The following IFI35 variants were observed in gnomAD, a reference collection of about 807,000 sequenced individuals.
IFI35 encodes the protein interferon-induced 35 kDa protein.
A neutral mutation model predicts 28.6 loss-of-function variants in IFI35; 30 were observed. The ratio of observed to expected loss-of-function variants is 1.05; its 90% CI spans 0.79 to 1.43. The LOEUF (loss-of-function observed/expected upper bound fraction) is 1.43, where lower values mean the gene tolerates loss of function less well. IFI35 is among the 40% of genes most tolerant of loss of function. IFI35 has a pLI of 0.00. For missense variants in IFI35, 372 were observed against 356.9 expected, an observed-to-expected ratio of 1.04 and a Z score of -0.34; for synonymous variants, 146 against 154.8, an observed-to-expected ratio of 0.94 and a Z score of 0.42.
At position 43,007,847 on chromosome 17, in the gene IFI35, T is replaced by TTATATATATATATA. The variant is rs68028192; in HGVS notation, c.21+892_21+905dup. Among the ~76,000 whole-genome samples the TTATATATATATATA allele has an allele frequency of 1.0e-3, 123 of 119,014 alleles. 3 individuals carry two copies. Among genetic ancestry groups the TTATATATATATATA allele is most frequent in the African/African-American group, 2.6e-3 (67 of 25,978 alleles). The allele number at this position is 119,014 out of a possible 152,430, so 78.1% of individuals were successfully genotyped here. ...TCTCACACACACACACACACAAAAT[T>TTATATATATATATA]TATATATATATATATATATATATAT... On this transcript the variant is annotated intron_variant, in intron 1 of 6. Transcript: ENST00000415816.
At position 43,006,859 on chromosome 17, in the gene IFI35, G is replaced by A. The variant is rs182260944; in HGVS notation, c.-89G>A. On this transcript the variant is annotated 5_prime_UTR_variant, in exon 1 of 7. Transcript: ENST00000415816. ...GGCTGAGAGAGACCACAGCCCTTTG[G>A]GGGGTACAAACAAGAGTTCAGTTGC... 8.5e-6 allele frequency: 12 copies of A among 1,416,854 alleles called. No individual in the cohort carries two copies. Among genetic ancestry groups the A allele is most frequent in the Admixed American group, 8.4e-5 (5 of 59,742 alleles). The allele number at this position is 1,416,854 out of a possible 1,614,324, so 87.8% of individuals were successfully genotyped here.
Position 43,014,151 on chromosome 17 carries a change from T to C in IFI35, c.713T>C (p.Ile238Thr), listed in dbSNP as rs1342859075. ...CCCCGCTCGGTACTGGTGCTCAACATTCCTGATATCTTGGATGGCCCGGAG... is the reference window on the plus strand; with the variant it reads ...CCCCGCTCGGTACTGGTGCTCAACACTCCTGATATCTTGGATGGCCCGGAG... ...PVPRSVLVLN[I>T]PDILDGPELH... Residue 238 changes from isoleucine (I) to threonine (T), a missense_variant, in exon 7 of 7, where the codon ATT (isoleucine) becomes ACT (threonine). By Grantham distance (89) the Ile-to-Thr change is moderately conservative. Transcript: ENST00000415816. 1 of 1,614,080 alleles carries C rather than the reference T, an allele frequency of 6.2e-7. No individual in the cohort carries two copies. Among genetic ancestry groups the C allele is most frequent in the South Asian group, 1.1e-5 (1 of 91,080 alleles).
At chr17:43,012,462 CG>C (rs1456634705) in intron 2 of IFI35, 185 bp downstream of exon 2, 3 of 427,978 alleles carry the variant, frequency 7.0e-6, no homozygotes, top group Non-Finnish European at 8.5e-6. Context: ...AAAATTAGGC[CG>C]GGCGCAGTGG....
At chr17:43,013,427 T>C in intron 4 of IFI35, 49 bp from the exon 5 acceptor site, 1 of 1,612,372 alleles carries the variant, frequency 6.2e-7, no homozygotes, top group Non-Finnish European at 8.5e-7. Context: ...CACCTGGGCA[T>C]GGGGAAGTGG....
intron 3 of IFI35, 29 bp downstream of exon 3, chr17:43,013,223 G>A (rs2050479116): frequency 6.2e-7 from 1 of 1,614,042 alleles, no homozygotes; most frequent in South Asian, 1.1e-5. Context: ...TCAGGAGGGA[G>A]GTGGGGAGGG....
intron 1 of IFI35, among the ~76,000 whole-genome samples, chr17:43,008,433 C>T (rs1301583922): frequency 1.4e-5 from 2 of 143,562 alleles, no homozygotes; most frequent in Non-Finnish European, 3.0e-5. Flanking sequence ...ACTGCAACCT[C>T]TGCCTTCCAG....
intron 1 of IFI35, among the ~76,000 whole-genome samples, chr17:43,007,406 G>A (rs2050416926): frequency 6.6e-6 from 1 of 151,838 alleles, no homozygotes; most frequent in South Asian, 2.1e-4. Flanking sequence ...TTGGGAGGCT[G>A]AGACAGGAGA....
At chr17:43,011,543 T>TA (rs1254374637) in intron 1 of IFI35, among the ~76,000 whole-genome samples, 4 of 151,736 alleles carry the variant, frequency 2.6e-5, no homozygotes, top group Admixed American at 2.6e-4. Context: ...AAATAAAAAT[T>TA]AAAAAAATAA....
At chr17:43,010,905 C>T (rs146497004) in intron 1 of IFI35, among the ~76,000 whole-genome samples, 5 of 152,320 alleles carry the variant, frequency 3.3e-5, no homozygotes, top group African/African-American at 1.2e-4. Context: ...TTCCTAACCA[C>T]AGGGTGAACT....
At chr17:43,009,143 C>T (rs1239381581) in intron 1 of IFI35, among the ~76,000 whole-genome samples, 1 of 151,914 alleles carries the variant, frequency 6.6e-6, no homozygotes, top group African/African-American at 2.4e-5. Context: ...GGACTACAGG[C>T]ATGTGCCACC....
chr17:43,010,664 ATTC>A (rs1422506745), intron 1 of IFI35, among the ~76,000 whole-genome samples: 3 of 152,334 alleles, frequency 2.0e-5, no homozygotes, highest in East Asian at 1.9e-4. Flanking sequence ...AAGCTCTAGT[ATTC>A]TTCTGCTAAA....
intron 1 of IFI35, among the ~76,000 whole-genome samples, chr17:43,009,785 TAGCC>T (rs2050441036): frequency 6.6e-6 from 1 of 151,266 alleles, no homozygotes; most frequent in Admixed American, 6.6e-5. Flanking sequence ...TAAAAAAAAT[TAGCC>T]AGGAGTGGTG....
Position 43,012,232 on chromosome 17 carries a change from C to T in IFI35, c.75C>T (p.Asp25=). 1 of 1,579,006 alleles carries T rather than the reference C, an allele frequency of 6.3e-7. No individual in the cohort carries two copies. Among genetic ancestry groups the T allele is most frequent in the Non-Finnish European group, 8.6e-7 (1 of 1,162,114 alleles). ...CCAGACTCAAGATGAGGCTGTGGGA[C>T]CTGCAGCAGCTGAGAAAGGAGCTCG... is the stretch of plus-strand genomic sequence containing the variant. ...EQARLKMRLW[D]LQQLRKELGD... Residue 25 remains aspartate, a synonymous_variant, in exon 2 of 7, where the codon GAC becomes GAT. Transcript: ENST00000415816.
At chr17:43,008,343 CTTTTTT>C (rs34285823) in intron 1 of IFI35, among the ~76,000 whole-genome samples, 3 of 89,402 alleles carry the variant, frequency 3.4e-5, no homozygotes, top group African/African-American at 1.6e-4. Context: ...CTTTTCTTTC[CTTTTTT>C]TTTTTTTTTT....
rs751620948 is a variant in IFI35 at position 43,014,185 on chromosome 17, C to T, written c.747C>T (p.Asp249=). ...TCTTGGATGGCCCGGAGCTGCATGA[C>T]GTCCTGGAGATCCACTTCCAGAAGC... is the stretch of plus-strand genomic sequence containing the variant. ...PDILDGPELH[D]VLEIHFQKPT... The change falls in exon 7 of 7, where the codon GAC becomes GAT. Residue 249 remains aspartate, a synonymous_variant. Transcript: ENST00000415816. The T allele has an allele frequency of 4.3e-6, 7 of 1,613,852 alleles. No homozygotes were observed. The highest frequency in any genetic ancestry group is 5.9e-6 in the Non-Finnish European group (7 of 1,179,906).
Position 43,014,219 on chromosome 17 carries a change from G to C in IFI35, c.781G>C (p.Gly261Arg). The C allele has an allele frequency of 6.2e-7, 1 of 1,613,090 alleles. No homozygotes were observed. Among genetic ancestry groups the C allele is most frequent in the Non-Finnish European group, 8.5e-7 (1 of 1,179,506 alleles). Residue 261 changes from glycine to arginine, a missense_variant, in exon 7 of 7, where the codon GGG becomes CGG. Transcript: ENST00000415816. Reference protein sequence around the residue: ...LEIHFQKPTRGGGEVEALTVV... With the variant: ...LEIHFQKPTRRGGEVEALTVV... ...GATCCACTTCCAGAAGCCCACCCGC[G>C]GGGGCGGGGAGGTAGAGGCCCTGAC... is the stretch of plus-strand genomic sequence containing the variant.
Position 43,006,863 on chromosome 17 carries a change from G to T in IFI35, c.-85G>T, listed in dbSNP as rs28365781. On this transcript the variant is annotated 5_prime_UTR_variant, in exon 1 of 7. Transcript: ENST00000415816. ...GAGAGAGACCACAGCCCTTTGGGGG[G>T]TACAAACAAGAGTTCAGTTGCTGTG... 1,129 of 1,460,062 alleles carry T rather than the reference G, an allele frequency of 7.7e-4. 10 individuals carry two copies. In the East Asian group the frequency reaches 0.019, roughly 25 times the overall value. 90.4% of individuals were successfully genotyped at this position (1,460,062 alleles called of 1,614,324 possible).
At position 43,013,755 on chromosome 17, in the gene IFI35, AC is replaced by A. The variant is rs373953401; in HGVS notation, c.563-17del. On this transcript the variant is annotated intron_variant, in intron 5 of 6. Coordinates refer to ENST00000415816, the MANE Select transcript of IFI35 (RefSeq NM_001330230.2). ...GGAGAGGGCTTGATGCTAAAGGCCC[AC>A]CCCTCCTTGCTCCCCACAGTGGCTC... 3.1e-4 allele frequency: 500 copies of A among 1,611,808 alleles called. 2 individuals carry two copies. The African/African-American group carries it at 5.8e-3, about 19-fold the overall frequency.
Position 43,014,347 on chromosome 17 carries a change from C to A in IFI35, c.*48C>A. 7.2e-7 allele frequency: 1 copy of A among 1,398,552 alleles called. No individual in the cohort carries two copies. The highest frequency in any genetic ancestry group is 9.7e-7 in the Non-Finnish European group (1 of 1,036,206). 86.6% of individuals were successfully genotyped at this position (1,398,552 alleles called of 1,614,324 possible). ...CCACCCCCCCGCCAAGGTTCTCACA[C>A]TGGCCTGGGCTTGGGTGCCCATATA... On this transcript the variant is annotated 3_prime_UTR_variant, in exon 7 of 7. Transcript: ENST00000415816.
Sources: allele counts gnomAD v4.1 joint callset (sites outside exome capture counted in the v4.1 genomes callset), GRCh38; gene constraint gnomAD v4.1.1; transcripts MANE v1.5; gene names NCBI Gene and HGNC (gene_info 2026-07-23, HGNC 2026-07-21).